Variants in SNRNP48 observed in about 807,000 individuals in gnomAD.
The protein encoded by SNRNP48 is small nuclear ribonucleoprotein U11/U12 subunit 48, also known as U11/U12 small nuclear ribonucleoprotein 48 kDa protein.
In SNRNP48, 43 loss-of-function variants were observed where a neutral mutation model predicts 47.0. The observed-to-expected ratio is 0.92, with a 90% CI of 0.72 to 1.18. The LOEUF (loss-of-function observed/expected upper bound fraction) is 1.18. Among genes scored for constraint, SNRNP48 ranks in the 50% most tolerant of loss-of-function variants. The pLI, the probability that SNRNP48 is intolerant of heterozygous loss-of-function variation, is 0.00. For synonymous variants in SNRNP48, 138 were observed against 144.0 expected, an observed-to-expected ratio of 0.96 and a Z score of 0.30; for missense variants, 396 against 422.2, an observed-to-expected ratio of 0.94 and a Z score of 0.54.
rs370695367 is a variant in SNRNP48 at position 7,606,221 on chromosome 6, C to T, written c.971+26C>T. ...GTGGGTCTAACCCTGCATCATCCAA[C>T]GTTGAATTCTGTACTTTTTAAAAAT... On this transcript the variant is annotated intron_variant, in intron 8 of 8. Transcript: ENST00000342415. 1,030 of 1,572,542 alleles carry T rather than the reference C, an allele frequency of 6.5e-4. 5 individuals are homozygous for T. The highest frequency in any genetic ancestry group is 1.6e-3 in the South Asian group (134 of 83,988).
At chr6:7,599,781 ACTTTAT>A (rs1307308155) in intron 4 of SNRNP48, 1 of 1,264,320 alleles carries the variant, frequency 7.9e-7, no homozygotes, top group South Asian at 1.3e-5. Context: ...AAATTTCTAA[ACTTTAT>A]CTTAATACCT....
In SNRNP48 at chr6:7,590,969, C is replaced by T. The variant is rs1224670618; in HGVS notation, c.156+556C>T. Among the ~76,000 whole-genome samples, 6 of 152,312 alleles carry T rather than the reference C, an allele frequency of 3.9e-5. No individual in the cohort carries two copies. The South Asian group carries it at 1.2e-3, about 32-fold the overall frequency. On this transcript the variant is annotated intron_variant, in intron 1 of 8. Transcript: ENST00000342415. ...TTCCAGCCTGGGCGACAGAGCAAGA[C>T]CCTGTCTCAAAAAACAAACAAACAA...
chr6:7,602,885 C>A, intron 6 of SNRNP48, 141 bp downstream of exon 6: 1 of 626,992 alleles, frequency 1.6e-6, no homozygotes, highest in Non-Finnish European at 2.6e-6. Flanking sequence ...TGTTCCATCA[C>A]TTCTAGATCC....
chr6:7,609,901 C>G lies in SNRNP48; in HGVS notation c.*1028C>G, dbSNP rs965195975. 4.0e-5 allele frequency: 6 copies of G among 151,666 alleles called. No individual in the cohort carries two copies. The highest frequency in any genetic ancestry group is 1.5e-4 in the African/African-American group (6 of 41,264). The allele number at this position is 151,666 out of a possible 1,614,324, so 9.4% of individuals were successfully genotyped here. On this transcript the variant is annotated 3_prime_UTR_variant, in exon 9 of 9. Transcript: ENST00000342415. ...TTCATTGCCCCCAAAATTCTCATACCCCCTTTCCCAATCAATTCCTCTACC... is the reference window on the plus strand; with the variant it reads ...TTCATTGCCCCCAAAATTCTCATACGCCCTTTCCCAATCAATTCCTCTACC...
intron 4 of SNRNP48, among the ~76,000 whole-genome samples, chr6:7,597,888 C>T (rs1581835519): frequency 2.4e-5 from 3 of 126,010 alleles, no homozygotes; most frequent in East Asian, 2.3e-4. Flanking sequence ...TTTTTTGAGG[C>T]GGAATCTTGC....
chr6:7,596,720 C>T (rs1759910531), intron 4 of SNRNP48, among the ~76,000 whole-genome samples: 1 of 152,152 alleles, frequency 6.6e-6, no homozygotes, highest in African/African-American at 2.4e-5. Context: ...TTGAGGGAGA[C>T]AGTTGACTCT....
At chr6:7,602,046 G>T (rs543516102) in intron 5 of SNRNP48, among the ~76,000 whole-genome samples, 7 of 152,162 alleles carry the variant, frequency 4.6e-5, no homozygotes, top group Admixed American at 1.3e-4. Flanking sequence ...TAGAGATGGG[G>T]TTTTGCTACG....
intron 4 of SNRNP48, among the ~76,000 whole-genome samples, chr6:7,599,026 A>C (rs1413231518): frequency 6.6e-6 from 1 of 152,196 alleles, no homozygotes; most frequent in Non-Finnish European, 1.5e-5. Flanking sequence ...TCAGTGTACT[A>C]TCAAAGAAAC....
intron 4 of SNRNP48, among the ~76,000 whole-genome samples, chr6:7,598,281 G>T (rs1759945188): frequency 6.6e-6 from 1 of 151,858 alleles, no homozygotes; most frequent in Non-Finnish European, 1.5e-5. Context: ...GATCACCTGA[G>T]GCCAGGAGTT....
At chr6:7,605,838 G>C (rs1760114730) in intron 7 of SNRNP48, among the ~76,000 whole-genome samples, 193 bp from the exon 8 acceptor site, 1 of 152,114 alleles carries the variant, frequency 6.6e-6, no homozygotes, top group Non-Finnish European at 1.5e-5. Context: ...TAAAAAAATT[G>C]CAACCTCAGG....
chr6:7,591,983 A>T (rs1759827032), intron 1 of SNRNP48, among the ~76,000 whole-genome samples: 1 of 152,152 alleles, frequency 6.6e-6, no homozygotes, highest in Non-Finnish European at 1.5e-5. Context: ...CCTAGTCCTC[A>T]CAGAGCTTAT....
chr6:7,590,362 C>T lies in SNRNP48; in HGVS notation c.105C>T (p.Ser35=). 7.2e-7 allele frequency: 1 copy of T among 1,381,926 alleles called. No individual in the cohort carries two copies. Among genetic ancestry groups the T allele is most frequent in the Non-Finnish European group, 9.5e-7 (1 of 1,054,782 alleles). The allele number at this position is 1,381,926 out of a possible 1,614,324, so 85.6% of individuals were successfully genotyped here. A position where few individuals can be genotyped will look rare whatever the true frequency, so the allele number is the denominator to read the frequency against. ...GGACGTTGGAGGAGGTGACCGCGTC[C>T]CTGGGCTGGGACCTAGATAGTCTGG... The part of the protein sequence containing the change: ...GCRTLEEVTA[S]LGWDLDSLDP... The change falls in exon 1 of 9, where the codon TCC becomes TCT. Residue 35 remains serine, a synonymous_variant. Transcript: ENST00000342415.
rs554287192 is a variant in SNRNP48 at position 7,599,952 on chromosome 6, C to A, written c.407-1384C>A. 3.0e-4 allele frequency: 305 copies of A among 1,013,246 alleles called. 1 individual carries two copies. In the South Asian group the frequency reaches 6.5e-3, roughly 22 times the overall value. The allele number at this position is 1,013,246 out of a possible 1,614,324, so 62.8% of individuals were successfully genotyped here. On this transcript the variant is annotated intron_variant, in intron 4 of 8. Coordinates refer to ENST00000342415, the MANE Select transcript of SNRNP48 (RefSeq NM_152551.4). ...TATTTCTTTGTTTAAAAATAACAGG[C>A]AAAGGTTTATATGAAGCTTGTTTGT...
At chr6:7,590,725 C>T (rs1271818225) in intron 1 of SNRNP48, among the ~76,000 whole-genome samples, 1 of 152,218 alleles carries the variant, frequency 6.6e-6, no homozygotes, top group Non-Finnish European at 1.5e-5. Flanking sequence ...CGCCTGTAAT[C>T]CTAGCACTTT....
At chr6:7,602,502 A>C in intron 5 of SNRNP48, 121 bp from the exon 6 acceptor site, 6 of 732,286 alleles carry the variant, frequency 8.2e-6, no homozygotes, top group Non-Finnish European at 1.0e-5. Context: ...CAATTTTTAG[A>C]ATGTTTTTAT....
At chr6:7,590,452 G>A in intron 1 of SNRNP48, 39 bp downstream of exon 1, 1 of 1,271,062 alleles carries the variant, frequency 7.9e-7, no homozygotes, top group Non-Finnish European at 1.0e-6. Flanking sequence ...GGGGACTATC[G>A]GCCCGGGGTC....
At position 7,599,617 on chromosome 6, in the gene SNRNP48, C is replaced by T. The variant is rs764136828; in HGVS notation, c.407-1719C>T. On this transcript the variant is annotated intron_variant, in intron 4 of 8. Coordinates refer to ENST00000342415, the MANE Select transcript of SNRNP48 (RefSeq NM_152551.4). ...TTTGTTGTCAGAAATATCTATGTTC[C>T]GAATGAATTGAATGCAGTTTGTTGC... The T allele has an allele frequency of 4.6e-5, 48 of 1,034,448 alleles. No individual in the cohort carries two copies. In the Middle Eastern group the frequency reaches 7.4e-4, roughly 16 times the overall value. The allele number at this position is 1,034,448 out of a possible 1,614,324, so 64.1% of individuals were successfully genotyped here. A position where few individuals can be genotyped will look rare whatever the true frequency, so the allele number is the denominator to read the frequency against.
rs1338729581 is a variant in SNRNP48 at position 7,590,258 on chromosome 6, ATGGAGGGCGAGCCTCCACCTG to A, written c.8_28del (p.GlyGluProProProValGlu3_?9). The A allele has an allele frequency of 7.5e-7, 1 of 1,329,586 alleles. No homozygotes were observed. Among genetic ancestry groups the A allele is most frequent in the Non-Finnish European group, 9.7e-7 (1 of 1,030,916 alleles). The allele number at this position is 1,329,586 out of a possible 1,614,324, so 82.4% of individuals were successfully genotyped here. On this transcript the variant is annotated start_lost and inframe_deletion, in exon 1 of 9. Transcript: ENST00000342415. The stretch of plus-strand genomic sequence containing the variant: ...TCCTCTTGGCGGGTGGGCTGCAGCT[ATGGAGGGCGAGCCTCCACCTG>A]TGGAGGAGCGGCGGCGGCTGCAGGA...
Position 7,596,589 on chromosome 6 carries a change from T to C in SNRNP48, c.406+1488T>C, listed in dbSNP as rs528646799. Among the ~76,000 whole-genome samples the C allele has an allele frequency of 1.2e-3, 177 of 152,346 alleles. 2 individuals are homozygous for C. The highest frequency in any genetic ancestry group is 4.1e-3 in the African/African-American group (171 of 41,584). ...CTCTATGGCTTCAGAAGAAAGACCATCTTATCCTTAGTTGTCTATATTACA... is the reference window on the plus strand; with the variant it reads ...CTCTATGGCTTCAGAAGAAAGACCACCTTATCCTTAGTTGTCTATATTACA... On this transcript the variant is annotated intron_variant, in intron 4 of 8. Coordinates refer to ENST00000342415, the MANE Select transcript of SNRNP48 (RefSeq NM_152551.4).
Sources: allele counts gnomAD v4.1 joint callset (sites outside exome capture counted in the v4.1 genomes callset), GRCh38; gene constraint gnomAD v4.1.1; transcripts MANE v1.5; gene names NCBI Gene and HGNC (gene_info 2026-07-23, HGNC 2026-07-21).